Variants in CYLC1 observed in about 807,000 individuals in gnomAD.
The protein encoded by CYLC1 is cylicin 1.
A neutral mutation model predicts 31.6 loss-of-function variants in CYLC1; 2 were observed. The observed-to-expected ratio is 0.06, with a 90% CI of 0.03 to 0.20. The LOEUF (loss-of-function observed/expected upper bound fraction) is 0.20, where lower values mean the gene tolerates loss of function less well. Among genes scored for constraint, CYLC1 ranks in the 10% least tolerant of loss-of-function variants. CYLC1 has a pLI of 1.00. For synonymous variants in CYLC1, 185 were observed against 153.0 expected (o/e 1.21, Z -1.54); for missense variants, 595 against 424.1 (o/e 1.40, Z -3.54).
intron 4 of CYLC1, among the ~76,000 whole-genome samples, chrX:83,881,757 C>A (rs185569174): frequency 2.9e-5 from 3 of 102,662 alleles, no homozygotes; most frequent in African/African-American, 1.1e-4. Flanking sequence ...CAGAGTCTCG[C>A]GCGATCTCGG....
rs2147780226 is a variant in CYLC1, at chrX:83,873,055, A to G, written c.347A>G (p.Lys116Arg). 1.7e-6 allele frequency: 2 copies of G among 1,200,873 alleles called. No individual in the cohort carries two copies. The highest frequency in any genetic ancestry group is 2.2e-6 in the Non-Finnish European group (2 of 891,497). The change falls in exon 4 of 5, where the codon AAA becomes AGA. Residue 116 changes from lysine to arginine, a missense_variant. Physicochemically the swap from Lys to Arg is conservative, Grantham distance 26 (BLOSUM62 2). Transcript: ENST00000329312. The stretch of plus-strand genomic sequence containing the variant: ...ACCCATCTTAAAAAAGCAGAATATA[A>G]AAAGTCCAAAGATGAAAAAGGAGGA... ...SKTHLKKAEY[K>R]KSKDEKGGTP...
intron 1 of CYLC1, among the ~76,000 whole-genome samples, chrX:83,865,747 G>T (rs971137573): frequency 6.3e-5 from 7 of 111,089 alleles, no homozygotes; most frequent in Non-Finnish European, 1.3e-4. Context: ...CATTTCTTCT[G>T]TAATCAAATC....
At chrX:83,878,029 T>C (rs1325656388) in intron 4 of CYLC1, among the ~76,000 whole-genome samples, 1 of 67,868 alleles carries the variant, frequency 1.5e-5, no homozygotes, top group African/African-American at 5.8e-5. Flanking sequence ...AATATATATA[T>C]TTGTATATAA....
In CYLC1 at chrX:83,871,444, T is replaced by A. The variant is rs375772815; in HGVS notation, c.59-8T>A. On this transcript the variant is annotated splice_polypyrimidine_tract_variant and splice_region_variant and intron_variant, in intron 2 of 4. Transcript: ENST00000329312. The stretch of plus-strand genomic sequence containing the variant: ...ACTCCAAATTGTTTATTATCCTTTC[T>A]CATTTAGTCAGTGAATCAAGCAGAA... The A allele has an allele frequency of 8.5e-7, 1 of 1,172,844 alleles. No homozygotes were observed. The highest frequency in any genetic ancestry group is 1.2e-6 in the Non-Finnish European group (1 of 866,480).
intron 4 of CYLC1, among the ~76,000 whole-genome samples, chrX:83,885,564 T>C (rs2031969530): frequency 9.2e-6 from 1 of 109,231 alleles, no homozygotes; most frequent in Non-Finnish European, 1.9e-5. Context: ...TTACAACTGT[T>C]GAAGCTTCAG....
At position 83,873,975 on chromosome X, in the gene CYLC1, A is replaced by G; in HGVS notation, c.1267A>G (p.Lys423Glu). 8.5e-7 allele frequency: 1 copy of G among 1,175,645 alleles called. No homozygotes were observed. The highest frequency in any genetic ancestry group is 1.8e-5 in the African/African-American group (1 of 55,847). ...LESKESQKDEKKDKKDSKTDN... is the reference protein window; with the variant it reads ...LESKESQKDEEKDKKDSKTDN... ...GTCAAAGGAGAGTCAGAAAGATGAA[A>G]AAAAGGATAAAAAAGATTCAAAGAC... Residue 423 changes from lysine to glutamate, a missense_variant, in exon 4 of 5, where the codon AAA (lysine) becomes GAA (glutamate). Physicochemically the swap from Lys to Glu is moderately conservative, Grantham distance 56. Transcript: ENST00000329312.
At position 83,873,749 on chromosome X, in the gene CYLC1, A is replaced by G. The variant is rs2031713678; in HGVS notation, c.1041A>G (p.Thr347=). Residue 347 remains threonine (T), a synonymous_variant, in exon 4 of 5, where the codon ACA becomes ACG. Coordinates refer to ENST00000329312, the MANE Select transcript of CYLC1 (RefSeq NM_021118.3). ...SGDSKDERKD[T]KKDKKKLKKD... The stretch of plus-strand genomic sequence containing the variant: ...ACTCAAAGGATGAAAGGAAAGATAC[A>G]AAGAAGGATAAGAAAAAATTAAAGA... 2.5e-6 allele frequency: 3 copies of G among 1,190,009 alleles called. No individual in the cohort carries two copies. The African/African-American group carries it at 5.4e-5, about 21-fold the overall frequency.
chrX:83,877,124 T>A (rs974549651), intron 4 of CYLC1, among the ~76,000 whole-genome samples: 2 of 111,339 alleles, frequency 1.8e-5, no homozygotes, highest in Middle Eastern at 4.6e-3. Flanking sequence ...CCAGTTGATT[T>A]TTTTAAGCCT....
At chrX:83,881,942 C>T (rs768844625) in intron 4 of CYLC1, among the ~76,000 whole-genome samples, 34 of 110,116 alleles carry the variant, frequency 3.1e-4, no homozygotes, top group Non-Finnish European at 5.1e-4. Flanking sequence ...GTGATCTGCC[C>T]ACCTCAGCCT....
rs761985896 is a variant in CYLC1 at position 83,875,071 on chromosome X, G to C, written c.1923+440G>C. ...TAACCAAAATTCATACATAGCAGGTGGAATACATGCCAAGATTCAACTGTG... is the reference window on the plus strand; with the variant it reads ...TAACCAAAATTCATACATAGCAGGTCGAATACATGCCAAGATTCAACTGTG... On this transcript the variant is annotated intron_variant, in intron 4 of 4. Transcript: ENST00000329312. Among the ~76,000 whole-genome samples, 7 of 111,268 alleles carry C rather than the reference G, an allele frequency of 6.3e-5. No homozygotes were observed. In the South Asian group the frequency reaches 2.6e-3, roughly 41 times the overall value.
chrX:83,881,612 C>A (rs1195954688), intron 4 of CYLC1, among the ~76,000 whole-genome samples: 1 of 110,066 alleles, frequency 9.1e-6, no homozygotes, highest in East Asian at 2.9e-4. Flanking sequence ...TAGGAGGATT[C>A]ATGAATTATT....
rs2031716859 is a variant in CYLC1 at position 83,873,877 on chromosome X, C to T, written c.1169C>T (p.Ala390Val). The change falls in exon 4 of 5, where the codon GCT becomes GTT. Residue 390 changes from alanine to valine, a missense_variant. Transcript: ENST00000329312. ...ARNDSRNLKK[A>V]SKNDDKKKDA... ...AATGATTCAAGAAATTTGAAGAAAG[C>T]TTCAAAGAATGATGACAAGAAAAAG... The T allele has an allele frequency of 2.5e-6, 3 of 1,194,396 alleles. No homozygotes were observed. The highest frequency in any genetic ancestry group is 1.8e-5 in the African/African-American group (1 of 56,048).
rs1602312606 is a variant in CYLC1 at position 83,886,647 on chromosome X, A to G, written c.*63A>G. 7.2e-6 allele frequency: 7 copies of G among 967,941 alleles called. No individual in the cohort carries two copies. The East Asian group carries it at 2.2e-4, about 30-fold the overall frequency. The allele number at this position is 967,941 out of a possible 1,213,427, so 79.8% of individuals were successfully genotyped here. A position where few individuals can be genotyped will look rare whatever the true frequency, so the allele number is the denominator to read the frequency against. On this transcript the variant is annotated 3_prime_UTR_variant, in exon 5 of 5. Transcript: ENST00000329312. ...CCACAGTAAGCACCACCTACTCTCA[A>G]ATGAGCATTTCTACCTCTGTGGAAC...
At chrX:83,872,215 A>G (rs1260195648) in intron 3 of CYLC1, among the ~76,000 whole-genome samples, 3 of 111,386 alleles carry the variant, frequency 2.7e-5, no homozygotes, top group Non-Finnish European at 5.7e-5. Context: ...AAGTAATTTT[A>G]AAATCAGTCT....
intron 3 of CYLC1, among the ~76,000 whole-genome samples, chrX:83,872,338 G>A (rs1406301276): frequency 1.0e-5 from 1 of 98,680 alleles, no homozygotes; most frequent in Admixed American, 1.1e-4. Context: ...ATTTCATTCA[G>A]TTTATGCCTT....
Position 83,886,573 on chromosome X carries a change from A to C in CYLC1, c.1945A>C (p.Lys649Gln), listed in dbSNP as rs1222122617. Residue 649 changes from lysine (K) to glutamine (Q), a missense_variant, in exon 5 of 5, where the codon AAG becomes CAG. Transcript: ENST00000329312. ...TCAGCCTGAAGCACCGTGGATTCAT[A>C]AGCTGCTTTAAAGAACAACTGAGCA... Reference protein sequence around the residue: ...APLPEAPWIHKLL With the variant: ...APLPEAPWIHQLL The C allele has an allele frequency of 2.5e-6, 3 of 1,207,885 alleles. No homozygotes were observed. The highest frequency in any genetic ancestry group is 3.5e-5 in the South Asian group (2 of 56,833).
At chrX:83,877,454 T>C (rs2031783532) in intron 4 of CYLC1, among the ~76,000 whole-genome samples, 1 of 110,821 alleles carries the variant, frequency 9.0e-6, no homozygotes, top group African/African-American at 3.3e-5. Flanking sequence ...TCTACAATCT[T>C]TAGCCCCTAC....
intron 3 of CYLC1, among the ~76,000 whole-genome samples, chrX:83,872,590 C>A (rs1193875249): frequency 3.7e-5 from 4 of 109,304 alleles, no homozygotes; most frequent in African/African-American, 1.3e-4. Context: ...GAGGACAAGT[C>A]CTGGAATGTC....
intron 4 of CYLC1, among the ~76,000 whole-genome samples, chrX:83,885,420 G>C (rs2031967666): frequency 9.1e-6 from 1 of 109,990 alleles, no homozygotes; most frequent in South Asian, 3.8e-4. Context: ...ACGATGATTA[G>C]TAATCAGAGC....
Sources: allele counts gnomAD v4.1 joint callset (sites outside exome capture counted in the v4.1 genomes callset), GRCh38; gene constraint gnomAD v4.1.1; transcripts MANE v1.5; gene names NCBI Gene and HGNC (gene_info 2026-07-23, HGNC 2026-07-21).